ST6GALNAC3: variants seen among roughly 807,000 people sequenced by gnomAD.
ST6GALNAC3 encodes ST6 N-acetylgalactosaminide alpha-2,6-sialyltransferase 3.
In ST6GALNAC3, 25 loss-of-function variants were observed where a neutral mutation model predicts 32.7. That is an observed-to-expected ratio of 0.76 (90% CI 0.56 to 1.07). The LOEUF (loss-of-function observed/expected upper bound fraction) is 1.07, where lower values mean the gene tolerates loss of function less well. ST6GALNAC3 is among the 50% of genes least tolerant of loss of function. The probability of loss-of-function intolerance (pLI) is 0.00; values close to 1 mark genes in which losing one functional copy is unlikely to be tolerated. For missense variants in ST6GALNAC3, 355 were observed against 382.4 expected, an observed-to-expected ratio of 0.93 and a Z score of 0.60; for synonymous variants, 129 against 133.1, an observed-to-expected ratio of 0.97 and a Z score of 0.21.
chr1:76,178,905 C>T (rs889488109), intron 1 of ST6GALNAC3, among the ~76,000 whole-genome samples: 3 of 152,208 alleles, frequency 2.0e-5, no homozygotes, highest in Middle Eastern at 3.2e-3. Flanking sequence ...TCTTCCTTGT[C>T]TACTACTGTC....
At chr1:76,406,184 A>C (rs961954859) in intron 2 of ST6GALNAC3, among the ~76,000 whole-genome samples, 3 of 152,120 alleles carry the variant, frequency 2.0e-5, no homozygotes, top group African/African-American at 7.2e-5. Context: ...TTCATGAGTT[A>C]GAGACCTCTT....
In ST6GALNAC3 at chr1:76,238,139, A is replaced by G. The variant is rs371999968; in HGVS notation, c.19-75666A>G. ...TTTCTGGCAATGCCTTTCCCTTGCAATTTCTTCCCAGCCCGCACCTTCTAC... is the reference window on the plus strand; with the variant it reads ...TTTCTGGCAATGCCTTTCCCTTGCAGTTTCTTCCCAGCCCGCACCTTCTAC... On this transcript the variant is annotated intron_variant, in intron 1 of 4. Transcript: ENST00000328299. Among the ~76,000 whole-genome samples, 14 of 152,050 alleles carry G rather than the reference A, an allele frequency of 9.2e-5. No individual in the cohort carries two copies. In the South Asian group the frequency reaches 1.9e-3, roughly 20 times the overall value.
At chr1:76,211,743 C>G (rs1010990280) in intron 1 of ST6GALNAC3, among the ~76,000 whole-genome samples, 3 of 151,518 alleles carry the variant, frequency 2.0e-5, no homozygotes, top group African/African-American at 4.9e-5. Context: ...AATGAGAACA[C>G]ATGGACACAG....
chr1:76,201,677 T>C (rs1654527415), intron 1 of ST6GALNAC3, among the ~76,000 whole-genome samples: 2 of 152,084 alleles, frequency 1.3e-5, no homozygotes, highest in Admixed American at 6.5e-5. Flanking sequence ...AAGACTGGAA[T>C]AAACTACATT....
Position 76,552,849 on chromosome 1 carries a change from G to A in ST6GALNAC3, c.624-74603G>A, listed in dbSNP as rs140536482. Among the ~76,000 whole-genome samples, 1,335 of 152,184 alleles carry A rather than the reference G, an allele frequency of 8.8e-3. 15 individuals carry two copies. The highest frequency in any genetic ancestry group is 0.02 in the Middle Eastern group (6 of 294). On this transcript the variant is annotated intron_variant, in intron 3 of 4. Transcript: ENST00000328299. ...TGGTAACTTTATGTTGCATTATTAGGTTTGATTCTTGCTATCGGTTTTTGG... is the reference window on the plus strand; with the variant it reads ...TGGTAACTTTATGTTGCATTATTAGATTTGATTCTTGCTATCGGTTTTTGG...
intron 1 of ST6GALNAC3, among the ~76,000 whole-genome samples, chr1:76,199,405 T>C (rs1341727890): frequency 6.6e-6 from 1 of 152,232 alleles, no homozygotes; most frequent in Admixed American, 6.5e-5. Context: ...TGATGAGTAG[T>C]AGAGCTGTGC....
chr1:76,498,634 A>G (rs1660998298), intron 3 of ST6GALNAC3, among the ~76,000 whole-genome samples: 2 of 151,910 alleles, frequency 1.3e-5, no homozygotes, highest in Non-Finnish European at 2.9e-5. Context: ...TTTAACCACC[A>G]TTTTCGGACA....
intron 1 of ST6GALNAC3, among the ~76,000 whole-genome samples, chr1:76,107,386 G>A (rs1406970717): frequency 2.0e-5 from 3 of 150,626 alleles, no homozygotes; most frequent in Admixed American, 6.6e-5. Flanking sequence ...TGGTGGCTCT[G>A]AAGAGTTAAA....
intron 3 of ST6GALNAC3, among the ~76,000 whole-genome samples, chr1:76,525,791 G>GTGTATATATATATATATATATATATATA (rs1438917629): frequency 1.3e-5 from 1 of 75,528 alleles, no homozygotes; most frequent in Non-Finnish European, 3.0e-5. Flanking sequence ...GTGTGTGTGT[G>GTGTATATATATATATATATATATATATA]TATATATATA....
intron 1 of ST6GALNAC3, among the ~76,000 whole-genome samples, chr1:76,232,032 C>T (rs1471882524): frequency 3.3e-5 from 5 of 152,164 alleles, no homozygotes; most frequent in Admixed American, 2.0e-4. Context: ...AAGGGAGAAA[C>T]TTCACTTACC....
intron 3 of ST6GALNAC3, among the ~76,000 whole-genome samples, chr1:76,571,918 C>G (rs988906547): frequency 1.3e-5 from 2 of 152,018 alleles, no homozygotes; most frequent in Non-Finnish European, 2.9e-5. Flanking sequence ...TTCCTGTGCT[C>G]TCTTATAGCA....
At chr1:76,497,300 C>A (rs1660913060) in intron 3 of ST6GALNAC3, among the ~76,000 whole-genome samples, 5 of 152,084 alleles carry the variant, frequency 3.3e-5, no homozygotes, top group Admixed American at 2.0e-4. Context: ...CTGCACCTAC[C>A]CCTCTTAGTC....
chr1:76,407,399 T>C (rs1334849704), intron 2 of ST6GALNAC3, among the ~76,000 whole-genome samples: 1 of 152,058 alleles, frequency 6.6e-6, no homozygotes, highest in Non-Finnish European at 1.5e-5. Context: ...GGTATAGAGT[T>C]AGTATACTTT....
intron 3 of ST6GALNAC3, among the ~76,000 whole-genome samples, chr1:76,453,579 CG>C (rs1657559592): frequency 6.6e-6 from 1 of 152,016 alleles, no homozygotes; most frequent in Non-Finnish European, 1.5e-5. Context: ...AATGTATTTG[CG>C]TGGTTCTGAG....
intron 1 of ST6GALNAC3, among the ~76,000 whole-genome samples, chr1:76,277,542 AT>A (rs1659208128): frequency 6.4e-5 from 3 of 47,082 alleles, no homozygotes; most frequent in Non-Finnish European, 1.3e-4. Flanking sequence ...ATATATATAT[AT>A]ATATATATAT....
intron 3 of ST6GALNAC3, among the ~76,000 whole-genome samples, chr1:76,448,215 C>A (rs1657125580): frequency 6.6e-6 from 1 of 152,108 alleles, no homozygotes; most frequent in East Asian, 1.9e-4. Flanking sequence ...ATTTCACTGC[C>A]CTGCTGGGGA....
At chr1:76,563,565 C>G (rs1665373487) in intron 3 of ST6GALNAC3, among the ~76,000 whole-genome samples, 1 of 152,166 alleles carries the variant, frequency 6.6e-6, no homozygotes, top group Non-Finnish European at 1.5e-5. Flanking sequence ...CAATTTAACT[C>G]TTATGCTCCC....
chr1:76,543,175 A>C (rs1486379245), intron 3 of ST6GALNAC3, among the ~76,000 whole-genome samples: 1 of 152,234 alleles, frequency 6.6e-6, no homozygotes, highest in African/African-American at 2.4e-5. Context: ...GCAATTTCAT[A>C]TTCTTTGGAG....
chr1:76,294,205 T>C (rs1249588801), intron 1 of ST6GALNAC3, among the ~76,000 whole-genome samples: 6 of 152,140 alleles, frequency 3.9e-5, no homozygotes, highest in Non-Finnish European at 5.9e-5. Context: ...GTCAGTATTT[T>C]CAAAGAGCTC....
Sources: allele counts gnomAD v4.1 joint callset (sites outside exome capture counted in the v4.1 genomes callset), GRCh38; gene constraint gnomAD v4.1.1; transcripts MANE v1.5; gene names NCBI Gene and HGNC (gene_info 2026-07-23, HGNC 2026-07-21).